The following NTM variants were observed in gnomAD, a reference collection of about 807,000 sequenced individuals.
NTM encodes the protein neurotrimin.
NTM carries 13 observed loss-of-function variants against 42.1 expected under a neutral mutation model. The observed-to-expected ratio is 0.31, with a 90% CI of 0.20 to 0.49. NTM has a LOEUF of 0.49. Among genes scored for constraint, NTM ranks in the 20% least tolerant of loss-of-function variants. NTM has a pLI of 0.99. For missense variants in NTM, 373 were observed against 452.8 expected (o/e 0.82, Z 1.60); for synonymous variants, 187 against 179.2 (o/e 1.04, Z -0.35).
chr11:132,263,714 G>A (rs1164446910), intron 4 of NTM, among the ~76,000 whole-genome samples: 1 of 152,078 alleles, frequency 6.6e-6, no homozygotes, highest in Non-Finnish European at 1.5e-5. Flanking sequence ...AAGTTCCTAA[G>A]CTAAATATCC....
chr11:131,790,682 C>T (rs1311137061), intron 1 of NTM, among the ~76,000 whole-genome samples: 1 of 152,186 alleles, frequency 6.6e-6, no homozygotes, highest in African/African-American at 2.4e-5. Flanking sequence ...TCCCCACTTT[C>T]TGGTCCTGGA....
chr11:132,005,439 C>T (rs2070548780), intron 2 of NTM, among the ~76,000 whole-genome samples: 1 of 152,108 alleles, frequency 6.6e-6, no homozygotes, highest in Admixed American at 6.6e-5. Flanking sequence ...CAGCTACTTG[C>T]ATTGTGGCAG....
At position 132,335,842 on chromosome 11, in the gene NTM, A is replaced by G. The variant is rs980093112; in HGVS notation, c.*696A>G. On this transcript the variant is annotated 3_prime_UTR_variant, in exon 9 of 9. Coordinates refer to ENST00000683400, the MANE Select transcript of NTM (RefSeq NM_001352005.2). ...TGATATGAGTCTAGAACTTACTGCAAAAACAAGACAAAACTAAAAAAATAC... is the reference window on the plus strand; with the variant it reads ...TGATATGAGTCTAGAACTTACTGCAGAAACAAGACAAAACTAAAAAAATAC... The G allele has an allele frequency of 6.6e-6, 1 of 152,562 alleles. No individual in the cohort carries two copies. Among genetic ancestry groups the G allele is most frequent in the Non-Finnish European group, 1.5e-5 (1 of 68,030 alleles). The allele number at this position is 152,562 out of a possible 1,614,324, so 9.5% of individuals were successfully genotyped here. A position where few individuals can be genotyped will look rare whatever the true frequency, so the allele number is the denominator to read the frequency against.
chr11:132,117,343 C>T (rs2136867128), intron 2 of NTM, among the ~76,000 whole-genome samples: 1 of 152,228 alleles, frequency 6.6e-6, no homozygotes, highest in South Asian at 2.1e-4. Flanking sequence ...AGTCTTCAGA[C>T]TGGAAACTCT....
intron 1 of NTM, among the ~76,000 whole-genome samples, chr11:131,622,415 C>T (rs1259178719): frequency 2.6e-5 from 4 of 152,206 alleles, no homozygotes; most frequent in Non-Finnish European, 4.4e-5. Context: ...GACAGCCGCT[C>T]ATTTGTATGC....
chr11:131,431,860 A>G (rs1171339726), intron 1 of NTM, among the ~76,000 whole-genome samples: 13 of 152,088 alleles, frequency 8.5e-5, no homozygotes, highest in South Asian at 6.2e-4. Flanking sequence ...CTCACAGTCC[A>G]GCAAAGAATC....
chr11:131,575,732 A>C (rs960552619), intron 1 of NTM, among the ~76,000 whole-genome samples: 1 of 152,144 alleles, frequency 6.6e-6, no homozygotes, highest in Non-Finnish European at 1.5e-5. Flanking sequence ...ATAATGGCTT[A>C]TCCTTCCCCA....
intron 1 of NTM, among the ~76,000 whole-genome samples, chr11:131,874,037 ATAT>A: frequency 1.0e-4 from 1 of 9,788 alleles, no homozygotes; most frequent in Non-Finnish European, 1.5e-4. Flanking sequence ...TATAATATAT[ATAT>A]ATATATATAT....
At chr11:131,805,746 G>A (rs1410072410) in intron 1 of NTM, among the ~76,000 whole-genome samples, 1 of 152,076 alleles carries the variant, frequency 6.6e-6, no homozygotes, top group Non-Finnish European at 1.5e-5. Context: ...AAAACTCCCG[G>A]TGGAAGAACA....
At chr11:131,372,582 A>C (rs1941370494) in intron 1 of NTM, among the ~76,000 whole-genome samples, 1 of 152,028 alleles carries the variant, frequency 6.6e-6, no homozygotes, top group African/African-American at 2.4e-5. Context: ...AATGAAAACT[A>C]AGCAGGCAAG....
intron 3 of NTM, among the ~76,000 whole-genome samples, chr11:132,176,160 T>C (rs908057389): frequency 3.9e-5 from 6 of 152,140 alleles, no homozygotes; most frequent in Admixed American, 2.6e-4. Flanking sequence ...AGAGAAGCAG[T>C]GTTGTGTGCG....
chr11:131,420,831 T>C (rs1023881861), intron 1 of NTM, among the ~76,000 whole-genome samples: 1 of 152,176 alleles, frequency 6.6e-6, no homozygotes, highest in African/African-American at 2.4e-5. Flanking sequence ...TAGGGAACAA[T>C]GGTGAGAGTG....
chr11:131,772,731 G>T (rs574183916), intron 1 of NTM, among the ~76,000 whole-genome samples: 2 of 152,290 alleles, frequency 1.3e-5, no homozygotes, highest in East Asian at 3.9e-4. Flanking sequence ...CATGGAAACT[G>T]CGAGATAACA....
At chr11:131,900,966 T>A (rs975869489) in intron 1 of NTM, among the ~76,000 whole-genome samples, 2 of 152,334 alleles carry the variant, frequency 1.3e-5, no homozygotes, top group South Asian at 4.1e-4. Context: ...ATCTATAGTA[T>A]CATGCTCCAA....
chr11:131,505,746 C>T (rs777965409), intron 1 of NTM, among the ~76,000 whole-genome samples: 30 of 152,148 alleles, frequency 2.0e-4, no homozygotes, highest in Non-Finnish European at 3.4e-4. Context: ...GCCCATGATC[C>T]GAAATGCCCA....
intron 1 of NTM, among the ~76,000 whole-genome samples, chr11:131,869,583 C>A (rs1304394931): frequency 1.3e-5 from 2 of 152,160 alleles, no homozygotes; most frequent in African/African-American, 4.8e-5. Flanking sequence ...TTGTAGCCTT[C>A]CAACTGCTAT....
At chr11:132,048,546 C>T (rs2078355549) in intron 2 of NTM, among the ~76,000 whole-genome samples, 1 of 152,174 alleles carries the variant, frequency 6.6e-6, no homozygotes, top group Non-Finnish European at 1.5e-5. Flanking sequence ...GCAAAGGGTT[C>T]TGCATTTCTT....
intron 1 of NTM, among the ~76,000 whole-genome samples, chr11:131,797,487 T>C (rs1392671235): frequency 6.6e-6 from 1 of 152,218 alleles, no homozygotes; most frequent in Non-Finnish European, 1.5e-5. Flanking sequence ...GAAGGAAATA[T>C]GAGACAAATG....
chr11:131,750,393 C>T (rs1254077187), intron 1 of NTM, among the ~76,000 whole-genome samples: 1 of 152,196 alleles, frequency 6.6e-6, no homozygotes, highest in Non-Finnish European at 1.5e-5. Flanking sequence ...ACAAGCTCCT[C>T]ACCTCCTTCC....
Sources: gnomAD v4.1 joint callset for allele counts (sites outside exome capture counted in the v4.1 genomes callset) on GRCh38, gnomAD v4.1.1 for gene constraint, MANE v1.5 for transcripts, NCBI Gene and HGNC (gene_info 2026-07-23, HGNC 2026-07-21) for gene names.